Variants in KCNAB1 observed in about 807,000 individuals in gnomAD.
The protein encoded by KCNAB1 is voltage-gated potassium channel subunit beta-1.
KCNAB1 carries 35 observed loss-of-function variants against 64.6 expected under a neutral mutation model. That is an observed-to-expected ratio of 0.54 (90% CI 0.41 to 0.72). The LOEUF is 0.72. Among genes scored for constraint, KCNAB1 ranks in the 30% least tolerant of loss-of-function variants. The probability of loss-of-function intolerance (pLI) is 0.00; values close to 1 mark genes in which losing one functional copy is unlikely to be tolerated. For synonymous variants in KCNAB1, 177 were observed against 183.8 expected (o/e 0.96, Z 0.30); for missense variants, 401 against 512.9 (o/e 0.78, Z 2.11).
chr3:156,531,906 C>G (rs1269352145), intron 13 of KCNAB1, among the ~76,000 whole-genome samples: 2 of 152,168 alleles, frequency 1.3e-5, no homozygotes, highest in African/African-American at 4.8e-5. Flanking sequence ...CCCTGAACAT[C>G]TTGTATTCCC....
At chr3:156,476,260 A>G (rs942129503) in intron 8 of KCNAB1, among the ~76,000 whole-genome samples, 1 of 151,982 alleles carries the variant, frequency 6.6e-6, no homozygotes, top group Non-Finnish European at 1.5e-5. Flanking sequence ...AGAGCAGAAT[A>G]CACTGCACCA....
At chr3:156,451,971 T>C (rs978738916) in intron 2 of KCNAB1, among the ~76,000 whole-genome samples, 2 of 152,288 alleles carry the variant, frequency 1.3e-5, no homozygotes, top group Admixed American at 6.5e-5. Context: ...ACCTCAGTCA[T>C]AGCATTTGTC....
chr3:156,471,027 A>T (rs1329036397), intron 7 of KCNAB1, among the ~76,000 whole-genome samples: 2 of 152,210 alleles, frequency 1.3e-5, no homozygotes, highest in Non-Finnish European at 2.9e-5. Flanking sequence ...AAAAACTAGA[A>T]ATTATATAAA....
chr3:156,291,898 TG>T, intron 1 of KCNAB1: 2 of 1,613,982 alleles, frequency 1.2e-6, no homozygotes, highest in South Asian at 2.2e-5. Context: ...GTGCGCTGCC[TG>T]GGGAAGCAAT....
At chr3:156,295,223 A>T (rs138103732) in intron 1 of KCNAB1, among the ~76,000 whole-genome samples, 36 of 152,210 alleles carry the variant, frequency 2.4e-4, no homozygotes, top group Non-Finnish European at 4.4e-4. Flanking sequence ...AGAATTAATG[A>T]TTGCATCTTG....
At chr3:156,203,542 A>G (rs1161581339) in intron 1 of KCNAB1, among the ~76,000 whole-genome samples, 1 of 152,250 alleles carries the variant, frequency 6.6e-6, no homozygotes, top group Admixed American at 6.5e-5. Context: ...ACTTGCTTAA[A>G]ATAATACTAT....
chr3:156,269,017 T>C (rs1179080585), intron 1 of KCNAB1, among the ~76,000 whole-genome samples: 2 of 152,204 alleles, frequency 1.3e-5, no homozygotes, highest in Admixed American at 6.5e-5. Context: ...CTTTAATCCA[T>C]TTTGATTTGA....
At chr3:156,418,855 A>T (rs955387457) in intron 1 of KCNAB1, among the ~76,000 whole-genome samples, 1 of 152,238 alleles carries the variant, frequency 6.6e-6, no homozygotes, top group African/African-American at 2.4e-5. Context: ...AAAGTATTAG[A>T]GTTAAGGGAA....
chr3:156,272,437 A>T (rs911125216), intron 1 of KCNAB1, among the ~76,000 whole-genome samples: 3 of 151,994 alleles, frequency 2.0e-5, no homozygotes, highest in Non-Finnish European at 4.4e-5. Flanking sequence ...AAGTTTTTCC[A>T]ACTCTTCCCT....
chr3:156,159,720 G>T (rs1715963086), intron 1 of KCNAB1, among the ~76,000 whole-genome samples: 1 of 152,196 alleles, frequency 6.6e-6, no homozygotes, highest in Non-Finnish European at 1.5e-5. Context: ...TAAGTTTTCT[G>T]AGGCTTGAAG....
At chr3:156,226,990 G>A (rs1358249256) in intron 1 of KCNAB1, among the ~76,000 whole-genome samples, 1 of 152,212 alleles carries the variant, frequency 6.6e-6, no homozygotes, top group African/African-American at 2.4e-5. Context: ...ACAGCCTGGA[G>A]CTTGTAAGGA....
At chr3:156,391,241 T>A (rs1300843111) in intron 1 of KCNAB1, among the ~76,000 whole-genome samples, 1 of 152,188 alleles carries the variant, frequency 6.6e-6, no homozygotes, top group Non-Finnish European at 1.5e-5. Context: ...CTTGGGCAAG[T>A]TACTTAACTT....
chr3:156,342,044 C>T (rs1724152207), intron 1 of KCNAB1, among the ~76,000 whole-genome samples: 1 of 152,226 alleles, frequency 6.6e-6, no homozygotes, highest in African/African-American at 2.4e-5. Context: ...TACACCACCT[C>T]TATGTTCCCA....
chr3:156,278,159 A>G (rs1396420101), intron 1 of KCNAB1, among the ~76,000 whole-genome samples: 1 of 152,212 alleles, frequency 6.6e-6, no homozygotes, highest in East Asian at 1.9e-4. Context: ...ATAAAAATAT[A>G]TTAGATGTTA....
intron 2 of KCNAB1, among the ~76,000 whole-genome samples, chr3:156,431,015 C>A (rs12054022): frequency 6.6e-6 from 1 of 152,008 alleles, no homozygotes. Flanking sequence ...GAATGGGGAC[C>A]GGAATCCATG....
At chr3:156,240,867 G>GGA (rs1427656877) in intron 1 of KCNAB1, among the ~76,000 whole-genome samples, 1 of 152,150 alleles carries the variant, frequency 6.6e-6, no homozygotes, top group African/African-American at 2.4e-5. Context: ...AGTGATAAGC[G>GGA]GAAGAAAAGG....
intron 1 of KCNAB1, among the ~76,000 whole-genome samples, chr3:156,326,125 G>A (rs994575586): frequency 2.0e-5 from 3 of 152,264 alleles, no homozygotes; most frequent in Non-Finnish European, 2.9e-5. Flanking sequence ...CTGGGGGTCT[G>A]CTCCCCTCTC....
At chr3:156,191,598 G>GT (rs1475531040) in intron 1 of KCNAB1, among the ~76,000 whole-genome samples, 1 of 152,180 alleles carries the variant, frequency 6.6e-6, no homozygotes, top group Non-Finnish European at 1.5e-5. Context: ...TCAGTCAGAA[G>GT]TTGACAAAAT....
At chr3:156,443,392 A>G (rs1180255887) in intron 2 of KCNAB1, among the ~76,000 whole-genome samples, 3 of 152,132 alleles carry the variant, frequency 2.0e-5, no homozygotes, top group Non-Finnish European at 2.9e-5. Flanking sequence ...GGAATAGAGC[A>G]TAGGGGCTGT....
Sources: gnomAD v4.1 joint callset for allele counts (sites outside exome capture counted in the v4.1 genomes callset) on GRCh38, gnomAD v4.1.1 for gene constraint, MANE v1.5 for transcripts, NCBI Gene and HGNC (gene_info 2026-07-23, HGNC 2026-07-21) for gene names.